Variants in TLK2 observed in about 807,000 individuals in gnomAD.
TLK2 encodes the protein tousled like kinase 2.
A neutral mutation model predicts 117.3 loss-of-function variants in TLK2; 6 were observed. The ratio of observed to expected loss-of-function variants is 0.05; its 90% confidence interval spans 0.03 to 0.10. The LOEUF (loss-of-function observed/expected upper bound fraction) is 0.10, where lower values mean the gene tolerates loss of function less well. TLK2 is among the 10% of genes least tolerant of loss of function. The pLI, the probability that TLK2 is intolerant of heterozygous loss-of-function variation, is 1.00. For missense variants in TLK2, 299 were observed against 901.2 expected (o/e 0.33, Z 8.56); for synonymous variants, 257 against 316.7 (o/e 0.81, Z 2.00).
intron 21 of TLK2, among the ~76,000 whole-genome samples, chr17:62,608,867 A>C (rs1449687983): frequency 1.3e-5 from 2 of 152,158 alleles, no homozygotes; most frequent in African/African-American, 2.4e-5. Context: ...GAGGCAAAGG[A>C]AACATGGAAT....
At chr17:62,578,191 G>A (rs1037469667) in intron 13 of TLK2, among the ~76,000 whole-genome samples, 2 of 152,174 alleles carry the variant, frequency 1.3e-5, no homozygotes, top group Non-Finnish European at 2.9e-5. Context: ...GAAAACTTAT[G>A]TAAGAAACTT....
At chr17:62,541,294 C>T (rs1012474387) in intron 7 of TLK2, among the ~76,000 whole-genome samples, 4 of 152,174 alleles carry the variant, frequency 2.6e-5, no homozygotes, top group African/African-American at 9.7e-5. Flanking sequence ...TCCATCAGGT[C>T]AAGGACTTTG....
chr17:62,578,758 T>C (rs1158426281), intron 14 of TLK2, among the ~76,000 whole-genome samples, 184 bp downstream of exon 14: 2 of 152,252 alleles, frequency 1.3e-5, no homozygotes, highest in Non-Finnish European at 2.9e-5. Flanking sequence ...GGTTTAAATA[T>C]ACAATTGTAT....
At chr17:62,532,818 G>A (rs1188953018) in intron 6 of TLK2, among the ~76,000 whole-genome samples, 3 of 151,794 alleles carry the variant, frequency 2.0e-5, no homozygotes, top group Admixed American at 6.6e-5. Context: ...ATTAACTTAC[G>A]CATTTTTCCT....
chr17:62,556,211 G>A (rs2078853592), intron 9 of TLK2, among the ~76,000 whole-genome samples: 1 of 152,000 alleles, frequency 6.6e-6, no homozygotes, highest in African/African-American at 2.4e-5. Flanking sequence ...CACTGCGCTC[G>A]GCCTATATTA....
At chr17:62,536,128 A>G (rs1353701240) in intron 6 of TLK2, 42 bp from the exon 7 acceptor site, 1 of 1,592,726 alleles carries the variant, frequency 6.3e-7, no homozygotes, top group Admixed American at 1.7e-5. Flanking sequence ...GTATCAGATT[A>G]TCTTTCTCAT....
At chr17:62,546,608 T>A (rs949277616) in intron 7 of TLK2, among the ~76,000 whole-genome samples, 15 of 148,546 alleles carry the variant, frequency 1.0e-4, no homozygotes, top group African/African-American at 3.5e-4. Context: ...CAGGCTGGAG[T>A]GCGGTGGCGT....
At chr17:62,506,317 T>TA (rs748446772) in intron 2 of TLK2, among the ~76,000 whole-genome samples, 22 of 152,198 alleles carry the variant, frequency 1.4e-4, no homozygotes, top group Non-Finnish European at 2.5e-4. Context: ...TATATGAACT[T>TA]AAAGTTGCTA....
At chr17:62,501,553 C>G (rs540224194) in intron 2 of TLK2, among the ~76,000 whole-genome samples, 4 of 149,596 alleles carry the variant, frequency 2.7e-5, no homozygotes, top group Non-Finnish European at 5.9e-5. Context: ...GGCAATATAG[C>G]AAAATACAAA....
intron 6 of TLK2, among the ~76,000 whole-genome samples, chr17:62,529,555 G>A (rs2076600877): frequency 6.6e-6 from 1 of 152,002 alleles, no homozygotes; most frequent in Admixed American, 6.6e-5. Context: ...CTTTAAATGT[G>A]GTTTATCTGA....
chr17:62,531,274 G>A (rs1057346460), intron 6 of TLK2, among the ~76,000 whole-genome samples: 29 of 139,814 alleles, frequency 2.1e-4, no homozygotes, highest in Non-Finnish European at 4.0e-4. Context: ...TTGTATTTTT[G>A]TTCTTCTTGT....
At chr17:62,483,975 G>C (rs917688007) in intron 2 of TLK2, among the ~76,000 whole-genome samples, 1 of 151,926 alleles carries the variant, frequency 6.6e-6, no homozygotes, top group African/African-American at 2.4e-5. Flanking sequence ...ATAGGCACCT[G>C]CTACCATGCC....
At chr17:62,564,743 CAAAA>C (rs1233929465) in intron 10 of TLK2, among the ~76,000 whole-genome samples, 19 of 151,110 alleles carry the variant, frequency 1.3e-4, no homozygotes. Flanking sequence ...ACCAAACAAA[CAAAA>C]AACCCCACAC....
intron 2 of TLK2, among the ~76,000 whole-genome samples, chr17:62,520,069 G>C (rs1470547552): frequency 1.3e-5 from 2 of 152,182 alleles, no homozygotes; most frequent in African/African-American, 2.4e-5. Context: ...TGGTAGACTA[G>C]GTGGGGACAA....
At chr17:62,573,391 G>A (rs758969248) in intron 12 of TLK2, 24 bp downstream of exon 12, 10 of 1,609,230 alleles carry the variant, frequency 6.2e-6, no homozygotes, top group South Asian at 5.5e-5. Context: ...TGACGTGAAC[G>A]CTGAGACACC....
At chr17:62,477,700 G>A (rs1395932598), upstream of TLK2, 1 of 152,186 alleles carries the variant, frequency 6.6e-6, no homozygotes, top group East Asian at 1.9e-4. Flanking sequence ...ATTATAAGGT[G>A]GGTGGCTGCA....
At chr17:62,511,165 T>G (rs1475965807) in intron 2 of TLK2, among the ~76,000 whole-genome samples, 4 of 152,188 alleles carry the variant, frequency 2.6e-5, no homozygotes, top group Non-Finnish European at 5.9e-5. Context: ...TGTATTACAC[T>G]TCTAGGCAAT....
At chr17:62,608,855 G>A (rs913583986) in intron 21 of TLK2, among the ~76,000 whole-genome samples, 2 of 16,664 alleles carry the variant, frequency 1.2e-4, no homozygotes, top group African/African-American at 2.9e-4. Flanking sequence ...TAAAAAACTC[G>A]TGAGGCAAAG....
intron 11 of TLK2, among the ~76,000 whole-genome samples, chr17:62,572,296 A>G (rs1184101371): frequency 6.6e-6 from 1 of 152,140 alleles, no homozygotes; most frequent in Non-Finnish European, 1.5e-5. Context: ...TTGATTGTCA[A>G]TTATAGTGGG....
Sources: allele counts gnomAD v4.1 joint callset (sites outside exome capture counted in the v4.1 genomes callset), GRCh38; gene constraint gnomAD v4.1.1; transcripts MANE v1.5; gene names NCBI Gene and HGNC (gene_info 2026-07-23, HGNC 2026-07-21).